COL27A1: variants seen among roughly 807,000 people sequenced by gnomAD.
The protein encoded by COL27A1 is collagen type XXVII alpha 1 chain.
COL27A1 carries 106 observed loss-of-function variants against 251.3 expected under a neutral mutation model. That is an observed-to-expected ratio of 0.42 (90% CI 0.36 to 0.50). The LOEUF is 0.50. COL27A1 is among the 20% of genes least tolerant of loss of function. The pLI, the probability that COL27A1 is intolerant of heterozygous loss-of-function variation, is 0.00. For missense variants in COL27A1, 2,325 were observed against 2,522.8 expected (o/e 0.92, Z 1.68); for synonymous variants, 1,000 against 986.3 (o/e 1.01, Z -0.26).
In COL27A1 at chr9:114,156,130, C is replaced by T. The variant is rs1848106676; in HGVS notation, c.62+118C>T. 7 of 1,266,556 alleles carry T rather than the reference C, an allele frequency of 5.5e-6. No individual in the cohort carries two copies. The South Asian group carries it at 1.6e-4, about 29-fold the overall frequency. The allele number at this position is 1,266,556 out of a possible 1,614,324, so 78.5% of individuals were successfully genotyped here. ...CGGAACGTCAGCTTCCTGCCCCTTC[C>T]TGCGCCCCCGCGAGGCGGGACGCCA... is the stretch of plus-strand genomic sequence containing the variant. On this transcript the variant is annotated intron_variant, in intron 1 of 60. Coordinates refer to ENST00000356083, the MANE Select transcript of COL27A1 (RefSeq NM_032888.4).
At chr9:114,267,008 C>A (rs879756658) in intron 33 of COL27A1, among the ~76,000 whole-genome samples, 1 of 152,148 alleles carries the variant, frequency 6.6e-6, no homozygotes, top group African/African-American at 2.4e-5. Flanking sequence ...TTGGAAGGAG[C>A]CTCGCACACC....
intron 7 of COL27A1, 96 bp downstream of exon 7, chr9:114,196,108 A>C (rs1829104124): frequency 9.5e-7 from 1 of 1,057,864 alleles, no homozygotes; most frequent in Non-Finnish European, 1.5e-6. Context: ...GCCTCTCCCC[A>C]GCCCCAGCCC....
At position 114,252,465 on chromosome 9, in the gene COL27A1, A is replaced by G. The variant is rs74475006; in HGVS notation, c.3034-128A>G. 3.4e-3 allele frequency: 2,584 copies of G among 752,672 alleles called. 42 individuals are homozygous for G. The African/African-American group carries it at 0.039, about 11-fold the overall frequency. 46.6% of individuals were successfully genotyped at this position (752,672 alleles called of 1,614,324 possible). A position where few individuals can be genotyped will look rare whatever the true frequency, so the allele number is the denominator to read the frequency against. ...TGATGTGGCCATGAACTAGGCAGGG[A>G]CCCTCTAGAGACCTTGAGCAAACCC... On this transcript the variant is annotated intron_variant, in intron 25 of 60. Transcript: ENST00000356083.
chr9:114,266,522 G>A (rs749449709), intron 32 of COL27A1, 43 bp from the exon 33 acceptor site: 2 of 1,584,836 alleles, frequency 1.3e-6, no homozygotes, highest in South Asian at 2.2e-5. Flanking sequence ...AGAGGGCCCA[G>A]GCTGACCTCT....
chr9:114,236,936 A>C (rs1300660597), intron 17 of COL27A1, 45 bp from the exon 18 acceptor site: 1 of 1,603,324 alleles, frequency 6.2e-7, no homozygotes, highest in Admixed American at 1.7e-5. Flanking sequence ...TCACCTGGCC[A>C]TTTCTCTTCC....
At chr9:114,166,397 A>ATT (rs779248374) in intron 2 of COL27A1, among the ~76,000 whole-genome samples, 1 of 145,614 alleles carries the variant, frequency 6.9e-6, no homozygotes, top group Non-Finnish European at 1.5e-5. Flanking sequence ...CCATCCATCC[A>ATT]CCCACCCACC....
chr9:114,199,743 CAGT>C (rs1829439053), intron 7 of COL27A1, among the ~76,000 whole-genome samples: 1 of 152,206 alleles, frequency 6.6e-6, no homozygotes, highest in African/African-American at 2.4e-5. Flanking sequence ...TTAGACTGGA[CAGT>C]GGACAGAACC....
intron 26 of COL27A1, 30 bp from the exon 27 acceptor site, chr9:114,252,849 A>T (rs780308458): frequency 1.9e-6 from 3 of 1,608,960 alleles, no homozygotes; most frequent in South Asian, 2.2e-5. Context: ...TCCATAGCTG[A>T]TTCCTCCTTT....
chr9:114,175,409 G>A (rs1827342590), intron 3 of COL27A1, among the ~76,000 whole-genome samples: 1 of 152,242 alleles, frequency 6.6e-6, no homozygotes, highest in Non-Finnish European at 1.5e-5. Context: ...GCAGGGTCTC[G>A]GATCAGGGGA....
intron 34 of COL27A1, among the ~76,000 whole-genome samples, chr9:114,268,189 G>A (rs1834877869): frequency 2.0e-5 from 3 of 152,150 alleles, no homozygotes; most frequent in Non-Finnish European, 4.4e-5. Context: ...ATAGAAGTGG[G>A]ATTGTTTCCA....
intron 12 of COL27A1, among the ~76,000 whole-genome samples, chr9:114,212,084 G>A (rs1830406514): frequency 6.6e-6 from 1 of 152,174 alleles, no homozygotes; most frequent in African/African-American, 2.4e-5. Flanking sequence ...GGCCAAAGAG[G>A]AAAAACAAAG....
intron 4 of COL27A1, among the ~76,000 whole-genome samples, chr9:114,182,580 T>C (rs1285391513): frequency 6.6e-6 from 1 of 151,752 alleles, no homozygotes; most frequent in African/African-American, 2.4e-5. Context: ...CATAGCTAAG[T>C]GTGGTTTGAG....
At chr9:114,238,967 G>A (rs78375395) in intron 19 of COL27A1, among the ~76,000 whole-genome samples, 11,536 of 152,272 alleles carry the variant, frequency 0.076, 721 homozygotes, top group Non-Finnish European at 0.11. Flanking sequence ...AACAAATAAG[G>A]TCTGCTTTGG....
In COL27A1 at chr9:114,165,827, TATCCATCCATCCATCC is replaced by T. The variant is rs146615632; in HGVS notation, c.134-1838_134-1823del. ...TCCATCCAGCCAGCCAGGCATTATT[TATCCATCCATCCATCC>T]ATCCATCCATCCATCCATCCATCAA... On this transcript the variant is annotated intron_variant, in intron 2 of 60. Transcript: ENST00000356083. Among the ~76,000 whole-genome samples the T allele has an allele frequency of 6.6e-5, 9 of 135,858 alleles. No homozygotes were observed. In the East Asian group the frequency reaches 9.8e-4, roughly 15 times the overall value. The allele number at this position is 135,858 out of a possible 152,430, so 89.1% of individuals were successfully genotyped here. A position where few individuals can be genotyped will look rare whatever the true frequency, so the allele number is the denominator to read the frequency against.
At chr9:114,171,812 C>G (rs1256205840) in intron 3 of COL27A1, among the ~76,000 whole-genome samples, 1 of 152,172 alleles carries the variant, frequency 6.6e-6, no homozygotes, top group East Asian at 1.9e-4. Flanking sequence ...TGAGCTGCTT[C>G]CACAGGCGCG....
At chr9:114,236,567 G>T (rs1832415232) in intron 17 of COL27A1, among the ~76,000 whole-genome samples, 1 of 152,160 alleles carries the variant, frequency 6.6e-6, no homozygotes, top group Admixed American at 6.5e-5. Flanking sequence ...CCAGATGTTG[G>T]CCAGCTCTCC....
intron 49 of COL27A1, among the ~76,000 whole-genome samples, chr9:114,296,162 A>G (rs1052090995): frequency 1.3e-5 from 2 of 152,246 alleles, no homozygotes; most frequent in Non-Finnish European, 2.9e-5. Context: ...TTTCTTAGAT[A>G]TGGTACCAAA....
chr9:114,265,015 G>A, intron 30 of COL27A1, 47 bp downstream of exon 30: 2 of 1,612,806 alleles, frequency 1.2e-6, no homozygotes, highest in Non-Finnish European at 1.7e-6. Flanking sequence ...CCCCCTCCCT[G>A]CTCCGTGCTT....
Position 114,169,411 on chromosome 9 carries a change from C to A in COL27A1, c.1856C>A (p.Pro619His), listed in dbSNP as rs1352330961. Residue 619 changes from proline to histidine, a missense_variant, in exon 3 of 61, where the codon CCT becomes CAT. By Grantham distance (77) the Pro-to-His change is moderately conservative. Transcript: ENST00000356083. ...ATCTTCCACCTGGCAGGATCTACGC[C>A]TTTCCCTCTGCTGATGGGGCCTCCG... is the stretch of plus-strand genomic sequence containing the variant. The part of the protein sequence containing the change: ...YSIFHLAGST[P>H]FPLLMGPPGP... 1.9e-6 allele frequency: 3 copies of A among 1,591,586 alleles called. No homozygotes were observed. The highest frequency in any genetic ancestry group is 1.1e-5 in the South Asian group (1 of 88,404).
Sources: allele counts gnomAD v4.1 joint callset (sites outside exome capture counted in the v4.1 genomes callset), GRCh38; gene constraint gnomAD v4.1.1; transcripts MANE v1.5; gene names NCBI Gene and HGNC (gene_info 2026-07-23, HGNC 2026-07-21).